The following LRBA variants were observed in gnomAD, a reference collection of about 807,000 sequenced individuals.
The protein encoded by LRBA is lipopolysaccharide-responsive and beige-like anchor protein.
A neutral mutation model predicts 330.0 loss-of-function variants in LRBA; 176 were observed. The observed-to-expected ratio is 0.53, with a 90% confidence interval of 0.47 to 0.60. LRBA has a LOEUF of 0.60. Ranked by LOEUF, LRBA falls within the 20% of genes least tolerant of loss-of-function variation. LRBA has a pLI of 0.00. For missense variants in LRBA, 3,259 were observed against 3,444.8 expected (o/e 0.95, Z 1.35); for synonymous variants, 1,230 against 1,193.0 (o/e 1.03, Z -0.64).
At chr4:150,896,719 G>A (rs1330592498) in intron 15 of LRBA, among the ~76,000 whole-genome samples, 1 of 151,896 alleles carries the variant, frequency 6.6e-6, no homozygotes, top group Non-Finnish European at 1.5e-5. Flanking sequence ...ACAGAATCCT[G>A]AAGTCAGCAA....
chr4:150,585,944 G>T (rs541214124), intron 40 of LRBA, among the ~76,000 whole-genome samples: 1 of 152,110 alleles, frequency 6.6e-6, no homozygotes, highest in East Asian at 1.9e-4. Context: ...AAGATTCCTT[G>T]GTAAAAACAG....
At chr4:150,677,165 T>G (rs1782631800) in intron 37 of LRBA, among the ~76,000 whole-genome samples, 1 of 152,168 alleles carries the variant, frequency 6.6e-6, no homozygotes, top group South Asian at 2.1e-4. Context: ...TATGACATAC[T>G]GTAGGTTCAG....
Position 150,265,691 on chromosome 4 carries a change from T to C in LRBA, c.*31A>G. On this transcript the variant is annotated 3_prime_UTR_variant, in exon 57 of 57. Coordinates refer to ENST00000651943, the MANE Select transcript of LRBA (RefSeq NM_001364905.1). ...ATGCTCCAGGTACTTCTGCTCATCC[T>C]AGGGGCAGAGTTGATGTACAGCTGT... The C allele has an allele frequency of 7.1e-7, 1 of 1,403,552 alleles. No individual in the cohort carries two copies. The highest frequency in any genetic ancestry group is 1.0e-6 in the Non-Finnish European group (1 of 987,778). The allele number at this position is 1,403,552 out of a possible 1,614,324, so 86.9% of individuals were successfully genotyped here. A position where few individuals can be genotyped will look rare whatever the true frequency, so the allele number is the denominator to read the frequency against.
At chr4:150,415,076 A>T (rs1376006389) in intron 47 of LRBA, among the ~76,000 whole-genome samples, 2 of 152,190 alleles carry the variant, frequency 1.3e-5, no homozygotes, top group Non-Finnish European at 2.9e-5. Flanking sequence ...CTATTATGAA[A>T]ATGTGCAATG....
chr4:150,834,979 G>C (rs1053275986), intron 28 of LRBA, among the ~76,000 whole-genome samples: 3 of 152,180 alleles, frequency 2.0e-5, no homozygotes, highest in Admixed American at 2.0e-4. Flanking sequence ...ATTAATGCTT[G>C]TATAAGGTGT....
intron 37 of LRBA, among the ~76,000 whole-genome samples, chr4:150,646,268 C>T (rs1303725922): frequency 6.6e-6 from 1 of 151,904 alleles, no homozygotes; most frequent in African/African-American, 2.4e-5. Context: ...AGGGTTTTAG[C>T]ATGAGCAACG....
At chr4:150,980,036 C>T (rs1433542514) in intron 2 of LRBA, among the ~76,000 whole-genome samples, 1 of 152,138 alleles carries the variant, frequency 6.6e-6, no homozygotes, top group Non-Finnish European at 1.5e-5. Flanking sequence ...CTGTACACCA[C>T]TATCTCTGAT....
intron 22 of LRBA, among the ~76,000 whole-genome samples, chr4:150,859,376 T>A (rs2126950330): frequency 6.6e-6 from 1 of 152,306 alleles, no homozygotes; most frequent in South Asian, 2.1e-4. Flanking sequence ...TTAAATGCCT[T>A]AATTTAAATT....
chr4:150,822,179 C>G (rs897287184), intron 30 of LRBA, among the ~76,000 whole-genome samples: 1 of 152,106 alleles, frequency 6.6e-6, no homozygotes, highest in Non-Finnish European at 1.5e-5. Context: ...ACAGAACATC[C>G]TGGAAAATGC....
intron 40 of LRBA, among the ~76,000 whole-genome samples, chr4:150,576,320 T>C (rs1267172266): frequency 2.0e-5 from 3 of 151,808 alleles, no homozygotes; most frequent in African/African-American, 7.2e-5. Flanking sequence ...AATGTATACA[T>C]TTAAAATGAG....
chr4:150,753,011 G>A (rs1416759979), intron 35 of LRBA, among the ~76,000 whole-genome samples: 1 of 152,110 alleles, frequency 6.6e-6, no homozygotes, highest in Non-Finnish European at 1.5e-5. Flanking sequence ...AGATTTCTCT[G>A]CTGCACAGTA....
intron 37 of LRBA, among the ~76,000 whole-genome samples, chr4:150,677,060 T>G (rs958013042): frequency 6.6e-6 from 1 of 152,140 alleles, no homozygotes; most frequent in African/African-American, 2.4e-5. Context: ...TATTACTGCT[T>G]TGGTTGAAAC....
At chr4:150,650,388 T>A (rs937439926) in intron 37 of LRBA, among the ~76,000 whole-genome samples, 1 of 152,238 alleles carries the variant, frequency 6.6e-6, no homozygotes. Flanking sequence ...GAAAACATTC[T>A]ATTTTTTCCT....
chr4:150,546,957 T>G (rs1331433045), intron 40 of LRBA, among the ~76,000 whole-genome samples: 3 of 152,202 alleles, frequency 2.0e-5, no homozygotes, highest in Non-Finnish European at 2.9e-5. Context: ...TGATGGGTTA[T>G]GACAGATAAT....
chr4:150,946,816 A>G (rs1323193996), intron 2 of LRBA, among the ~76,000 whole-genome samples: 1 of 151,894 alleles, frequency 6.6e-6, no homozygotes, highest in African/African-American at 2.4e-5. Flanking sequence ...AAAGATCAAT[A>G]AAATTGACAA....
rs115882587 is a variant in LRBA at position 150,641,148 on chromosome 4, G to A, written c.5922-42017C>T. On this transcript the variant is annotated intron_variant, in intron 37 of 56. Transcript: ENST00000651943. ...CCTCAAATCTATGTCCTATTTCACA[G>A]AGATCCAAAAGCTTACATTCAGACT... Among the ~76,000 whole-genome samples, 40 of 152,058 alleles carry A rather than the reference G, an allele frequency of 2.6e-4. 1 individual carries two copies. Among genetic ancestry groups the A allele is most frequent in the African/African-American group, 8.9e-4 (37 of 41,452 alleles).
intron 36 of LRBA, among the ~76,000 whole-genome samples, chr4:150,691,647 T>C (rs1784149055): frequency 6.6e-6 from 1 of 152,224 alleles, no homozygotes; most frequent in Non-Finnish European, 1.5e-5. Context: ...TGTCAATTTC[T>C]TGTAAGCTTA....
At chr4:150,613,989 CAG>C (rs1180712440) in intron 37 of LRBA, among the ~76,000 whole-genome samples, 5 of 152,168 alleles carry the variant, frequency 3.3e-5, no homozygotes, top group Non-Finnish European at 7.3e-5. Context: ...ATAAAACTAC[CAG>C]AGTCTTTAGT....
intron 40 of LRBA, among the ~76,000 whole-genome samples, chr4:150,516,821 C>G (rs1331328704): frequency 1.3e-5 from 2 of 151,954 alleles, no homozygotes; most frequent in Non-Finnish European, 2.9e-5. Flanking sequence ...AATTATTTAT[C>G]AAAAATAAAA....
Sources: gnomAD v4.1 joint callset for allele counts (sites outside exome capture counted in the v4.1 genomes callset) on GRCh38, gnomAD v4.1.1 for gene constraint, MANE v1.5 for transcripts, NCBI Gene and HGNC (gene_info 2026-07-23, HGNC 2026-07-21) for gene names.